Variants in POTEE observed in about 807,000 individuals in gnomAD.
POTEE encodes ANKRD26-like family C member 1A.
POTEE carries 21 observed loss-of-function variants against 74.2 expected under a neutral mutation model. The observed-to-expected ratio is 0.28, with a 90% CI of 0.20 to 0.41. The LOEUF (loss-of-function observed/expected upper bound fraction) is 0.41. Among genes scored for constraint, POTEE ranks in the 10% least tolerant of loss-of-function variants. The probability of loss-of-function intolerance (pLI) is 1.00; values close to 1 mark genes in which losing one functional copy is unlikely to be tolerated. For synonymous variants in POTEE, 211 were observed against 432.8 expected (o/e 0.49, Z 6.36); for missense variants, 525 against 1,158.6 (o/e 0.45, Z 7.94).
rs1475041646 is a variant in POTEE at position 131,209,626 on chromosome 2, G to C, written c.-538G>C. Among the ~76,000 whole-genome samples, 2 of 152,146 alleles carry C rather than the reference G, an allele frequency of 1.3e-5. No individual in the cohort carries two copies. The highest frequency in any genetic ancestry group is 6.5e-5 in the Admixed American group (1 of 15,284). On this transcript the variant is annotated 5_prime_UTR_variant, in exon 1 of 18. Coordinates refer to ENST00000683005, the MANE Select transcript of POTEE (RefSeq NM_001083538.3). ...CTCGGACACTGGCTCACTGCAGTTG[G>C]TGGTGTCCACAGAGCGGTAGGAGGG...
At chr2:131,219,629 C>T (rs936893520) in intron 4 of POTEE, among the ~76,000 whole-genome samples, 8 of 151,990 alleles carry the variant, frequency 5.3e-5, no homozygotes, top group Admixed American at 4.6e-4. Flanking sequence ...CCCAGCTACT[C>T]AGGAGGCTGA....
chr2:131,221,442 A>G (rs1190732455), intron 4 of POTEE, among the ~76,000 whole-genome samples: 3 of 152,070 alleles, frequency 2.0e-5, no homozygotes, highest in Non-Finnish European at 2.9e-5. Context: ...GTTTCTGGGG[A>G]TTTGTAAGTG....
At chr2:131,214,794 TTGGA>T (rs1469350068) in intron 2 of POTEE, among the ~76,000 whole-genome samples, 9 of 152,162 alleles carry the variant, frequency 5.9e-5, no homozygotes, top group Non-Finnish European at 1.2e-4. Context: ...TGCTTTGACT[TTGGA>T]AAATAGTTTT....
At chr2:131,235,792 C>CAA (rs1203876832) in intron 9 of POTEE, among the ~76,000 whole-genome samples, 999 of 78,516 alleles carry the variant, frequency 0.013, 35 homozygotes, top group East Asian at 0.032. Context: ...GACCCTGGCT[C>CAA]AAAAAAAAAA....
chr2:131,230,272 C>T (rs183176053), intron 8 of POTEE, among the ~76,000 whole-genome samples: 22 of 152,244 alleles, frequency 1.4e-4, no homozygotes, highest in East Asian at 1.9e-4. Flanking sequence ...GACTTAATAA[C>T]ATTTTCTGAA....
intron 1 of POTEE, among the ~76,000 whole-genome samples, chr2:131,210,145 C>T (rs1459505963): frequency 4.1e-5 from 6 of 145,982 alleles, no homozygotes; most frequent in African/African-American, 1.0e-4. Flanking sequence ...ACAATGCTGG[C>T]AGCGGGGGGT....
At chr2:131,235,525 G>A (rs1004074076) in intron 9 of POTEE, among the ~76,000 whole-genome samples, 1 of 151,986 alleles carries the variant, frequency 6.6e-6, no homozygotes, top group African/African-American at 2.4e-5. Context: ...GACAAGTGTG[G>A]TGGCTCACAC....
chr2:131,222,593 C>T (rs1340062707), intron 4 of POTEE, among the ~76,000 whole-genome samples: 1 of 151,970 alleles, frequency 6.6e-6, no homozygotes, highest in Non-Finnish European at 1.5e-5. Context: ...CTCCACAAAT[C>T]GTTTCATAAA....
chr2:131,221,283 A>G (rs1027984936), intron 4 of POTEE, among the ~76,000 whole-genome samples: 1 of 152,104 alleles, frequency 6.6e-6, no homozygotes, highest in African/African-American at 2.4e-5. Context: ...ATATGTAACT[A>G]TTGAGGTTGT....
chr2:131,219,405 ATGGTT>A (rs1700546074), intron 4 of POTEE, among the ~76,000 whole-genome samples: 1 of 151,506 alleles, frequency 6.6e-6, no homozygotes, highest in Non-Finnish European at 1.5e-5. Context: ...AAATGGGAAG[ATGGTT>A]CCTGTGCTTG....
intron 4 of POTEE, among the ~76,000 whole-genome samples, chr2:131,220,627 G>C (rs959542837): frequency 2.0e-5 from 3 of 152,056 alleles, no homozygotes; most frequent in Non-Finnish European, 4.4e-5. Context: ...AGGAATGTAA[G>C]TTAGAAGAGG....
chr2:131,219,856 T>C (rs1462081224), intron 4 of POTEE, among the ~76,000 whole-genome samples: 1 of 152,168 alleles, frequency 6.6e-6, no homozygotes, highest in Non-Finnish European at 1.5e-5. Flanking sequence ...TTGTGATAAA[T>C]TAATTTTTTG....
chr2:131,211,830 A>G (rs1380853401), intron 2 of POTEE, among the ~76,000 whole-genome samples: 1 of 150,562 alleles, frequency 6.6e-6, no homozygotes, highest in Non-Finnish European at 1.5e-5. Flanking sequence ...TGCTAGGATT[A>G]TAGGCGTGAG....
intron 7 of POTEE, 97 bp downstream of exon 7, chr2:131,227,026 T>TG (rs1358652989): frequency 6.7e-7 from 1 of 1,482,396 alleles, no homozygotes; most frequent in African/African-American, 1.4e-5. Context: ...CTTACTGGGA[T>TG]GTAGTGATCA....
chr2:131,230,373 G>A (rs962122633), intron 8 of POTEE, among the ~76,000 whole-genome samples: 7 of 152,102 alleles, frequency 4.6e-5, no homozygotes, highest in African/African-American at 1.7e-4. Flanking sequence ...TAAAGTTTAG[G>A]AACAGATTAT....
chr2:131,211,942 C>T (rs1336750736), intron 2 of POTEE, among the ~76,000 whole-genome samples: 2 of 151,520 alleles, frequency 1.3e-5, no homozygotes, highest in Non-Finnish European at 2.9e-5. Context: ...CATAATAGGC[C>T]TTCTAATTCC....
chr2:131,220,922 C>G, intron 4 of POTEE, among the ~76,000 whole-genome samples: 1 of 141,248 alleles, frequency 7.1e-6, no homozygotes, highest in South Asian at 2.2e-4. Flanking sequence ...GATCGCGCCA[C>G]TACATTCCAG....
At chr2:131,220,797 TAA>T (rs1700593943) in intron 4 of POTEE, among the ~76,000 whole-genome samples, 1 of 151,520 alleles carries the variant, frequency 6.6e-6, no homozygotes, top group African/African-American at 2.4e-5. Context: ...CCATCTCTAC[TAA>T]AAATACAAAA....
At chr2:131,217,773 GCCGCACGCGCACGCGCACGC>G (rs1490096920) in intron 3 of POTEE, among the ~76,000 whole-genome samples, 90 bp downstream of exon 3, 45 of 122,698 alleles carry the variant, frequency 3.7e-4, no homozygotes, top group African/African-American at 1.4e-3. Flanking sequence ...GCACGCGCAC[GCCGCACGCGCACGCGCACGC>G]CCGGCAGCAG....
Sources: allele counts gnomAD v4.1 joint callset (sites outside exome capture counted in the v4.1 genomes callset), GRCh38; gene constraint gnomAD v4.1.1; transcripts MANE v1.5; gene names NCBI Gene and HGNC (gene_info 2026-07-23, HGNC 2026-07-21).